The following STK31 variants were observed in gnomAD, a reference collection of about 807,000 sequenced individuals.
STK31 encodes serine/threonine kinase 31.
STK31 carries 89 observed loss-of-function variants against 129.7 expected under a neutral mutation model. The observed-to-expected ratio is 0.69, with a 90% confidence interval of 0.58 to 0.82. The LOEUF is 0.82. Ranked by LOEUF, STK31 falls within the 40% of genes least tolerant of loss-of-function variation. The pLI, the probability that STK31 is intolerant of heterozygous loss-of-function variation, is 0.00. For synonymous variants in STK31, 448 were observed against 395.3 expected, an observed-to-expected ratio of 1.13 and a Z score of -1.58; for missense variants, 1,187 against 1,176.4, an observed-to-expected ratio of 1.01 and a Z score of -0.13.
chr7:23,805,769 G>A (rs1393813937), intron 22 of STK31, among the ~76,000 whole-genome samples: 2 of 152,226 alleles, frequency 1.3e-5, no homozygotes, highest in African/African-American at 4.8e-5. Flanking sequence ...ACAGGCATGA[G>A]CCACTGTGCC....
chr7:23,727,556 CTTTTTTTTTT>C, intron 5 of STK31: 3 of 134,984 alleles, frequency 2.2e-5, no homozygotes, highest in East Asian at 3.5e-4. Context: ...TACCTCAGTT[CTTTTTTTTTT>C]TTTTTTTTTT....
intron 23 of STK31, among the ~76,000 whole-genome samples, chr7:23,822,394 CT>C (rs1280646709): frequency 2.0e-5 from 3 of 152,006 alleles, no homozygotes; most frequent in African/African-American, 7.2e-5. Flanking sequence ...TATTTTGTAG[CT>C]GTTGTAAATG....
intron 10 of STK31, among the ~76,000 whole-genome samples, chr7:23,762,040 A>G (rs967526471): frequency 2.6e-5 from 4 of 151,510 alleles, no homozygotes; most frequent in African/African-American, 4.8e-5. Context: ...TTTTAAGTGT[A>G]TGTGCCAGAC....
rs758070947 is a variant in STK31, at chr7:23,781,477, G to T, written c.2024G>T (p.Arg675Leu). The change falls in exon 16 of 24, where the codon CGC becomes CTC. Residue 675 changes from arginine (R) to leucine (L), a missense_variant. Physicochemically the swap from Arg to Leu is moderately radical, Grantham distance 102. This residue lies in a region of STK31 where 975 missense variants were observed against 934.9 expected (regional missense o/e 1.04). Transcript: ENST00000355870. ...ATAAAAGAAGAAATAACTCAGCTGC[G>T]CAATAATGTCTTTCAGGAAATTTAT... Reference protein sequence around the residue: ...EKIKEEITQLRNNVFQEIYHE... With the variant: ...EKIKEEITQLLNNVFQEIYHE... 3.1e-6 allele frequency: 5 copies of T among 1,611,598 alleles called. No individual in the cohort carries two copies. Among genetic ancestry groups the T allele is most frequent in the Non-Finnish European group, 4.2e-6 (5 of 1,179,070 alleles).
intron 23 of STK31, among the ~76,000 whole-genome samples, chr7:23,823,530 T>C (rs1793920373): frequency 1.3e-5 from 2 of 152,200 alleles, no homozygotes. Flanking sequence ...GCAAAAATTT[T>C]CTCCCATTTT....
At chr7:23,744,264 C>T (rs1224360253) in intron 8 of STK31, among the ~76,000 whole-genome samples, 1 of 149,152 alleles carries the variant, frequency 6.7e-6, no homozygotes, top group Non-Finnish European at 1.5e-5. Context: ...TTTTGTATTT[C>T]ATTCGGTGAA....
chr7:23,715,116 G>C (rs1306488966), intron 3 of STK31, among the ~76,000 whole-genome samples: 1 of 152,160 alleles, frequency 6.6e-6, no homozygotes, highest in Non-Finnish European at 1.5e-5. Context: ...ATTTGGTTGG[G>C]GTTATGGTGG....
At chr7:23,823,535 C>A (rs1408288089) in intron 23 of STK31, among the ~76,000 whole-genome samples, 3 of 152,056 alleles carry the variant, frequency 2.0e-5, no homozygotes, top group Non-Finnish European at 2.9e-5. Flanking sequence ...AATTTTCTCC[C>A]ATTTTGTAGG....
At chr7:23,724,881 T>G (rs1786960123) in intron 4 of STK31, among the ~76,000 whole-genome samples, 1 of 152,242 alleles carries the variant, frequency 6.6e-6, no homozygotes, top group Non-Finnish European at 1.5e-5. Flanking sequence ...CTTTATTGTT[T>G]TGGTGAATAG....
intron 22 of STK31, among the ~76,000 whole-genome samples, chr7:23,795,681 T>G (rs1383721662): frequency 6.6e-6 from 1 of 152,232 alleles, no homozygotes; most frequent in Non-Finnish European, 1.5e-5. Context: ...GCAAAGCCAC[T>G]GGGGCAGAGC....
At chr7:23,826,700 T>C (rs2128132666) in intron 23 of STK31, among the ~76,000 whole-genome samples, 1 of 152,352 alleles carries the variant, frequency 6.6e-6, no homozygotes, top group East Asian at 1.9e-4. Flanking sequence ...GCCTTGATGG[T>C]CTTTACAATT....
At chr7:23,805,178 C>T (rs558167178) in intron 22 of STK31, among the ~76,000 whole-genome samples, 3 of 151,836 alleles carry the variant, frequency 2.0e-5, no homozygotes, top group South Asian at 2.1e-4. Context: ...TAGGTTCAAG[C>T]GATTCTCCTG....
intron 3 of STK31, among the ~76,000 whole-genome samples, chr7:23,713,881 T>C (rs759340930): frequency 9.1e-4 from 139 of 152,146 alleles, no homozygotes; most frequent in Non-Finnish European, 1.7e-3. Flanking sequence ...AATATATATA[T>C]ACACACACAC....
rs1293656724 is a variant in STK31 at position 23,788,110 on chromosome 7, T to C, written c.2618T>C (p.Phe873Ser). The change falls in exon 21 of 24, where the codon TTT (phenylalanine) becomes TCT (serine). Residue 873 changes from phenylalanine to serine, a missense_variant. By Grantham distance (155) the Phe-to-Ser change is radical (BLOSUM62 -2). Around this residue, in one of 5 missense-constraint regions of STK31, gnomAD observed 975 missense variants for 934.9 expected, o/e 1.04. Transcript: ENST00000355870. ...CGTGAACAAGGAATTGTTGGAGATT[T>C]TGACTTCACCAAATCTGTGGTAAGA... ...LNREQGIVGD[F>S]DFTKSVSQRA... The C allele has an allele frequency of 6.8e-6, 11 of 1,610,618 alleles. No individual in the cohort carries two copies. The highest frequency in any genetic ancestry group is 9.3e-6 in the Non-Finnish European group (11 of 1,178,794).
chr7:23,828,866 T>G (rs1156577504), intron 23 of STK31, among the ~76,000 whole-genome samples: 2 of 152,122 alleles, frequency 1.3e-5, no homozygotes, highest in South Asian at 2.1e-4. Flanking sequence ...TTCCAGTTCT[T>G]TAGAGGAATG....
intron 10 of STK31, among the ~76,000 whole-genome samples, chr7:23,759,453 A>G (rs1789317866): frequency 1.3e-5 from 2 of 152,266 alleles, no homozygotes; most frequent in Admixed American, 6.5e-5. Context: ...GTGTAATCAA[A>G]TTAGAACTCA....
chr7:23,742,302 G>A (rs1788096352), intron 8 of STK31, among the ~76,000 whole-genome samples: 1 of 152,232 alleles, frequency 6.6e-6, no homozygotes, highest in African/African-American at 2.4e-5. Context: ...AGTCTCAACA[G>A]CAGCTTGTAG....
At chr7:23,714,429 A>G (rs969857825) in intron 3 of STK31, among the ~76,000 whole-genome samples, 2 of 152,264 alleles carry the variant, frequency 1.3e-5, no homozygotes, top group African/African-American at 4.8e-5. Context: ...GCTGTCTAGT[A>G]GAAATATATG....
At chr7:23,756,060 G>A (rs1562575852) in intron 10 of STK31, among the ~76,000 whole-genome samples, 1 of 152,146 alleles carries the variant, frequency 6.6e-6, no homozygotes, top group Non-Finnish European at 1.5e-5. Flanking sequence ...GATGGGAATA[G>A]CATTGGTTCT....
Sources: gnomAD v4.1 joint callset for allele counts (sites outside exome capture counted in the v4.1 genomes callset) on GRCh38, gnomAD v4.1.1 for gene constraint, gnomAD v4.1.1 regional missense constraint, MANE v1.5 for transcripts, NCBI Gene and HGNC (gene_info 2026-07-23, HGNC 2026-07-21) for gene names.